Variants in VPS41 observed in about 807,000 individuals in gnomAD.
The protein encoded by VPS41 is VPS41 subunit of HOPS complex, also known as vacuolar protein sorting-associated protein 41 homolog.
A neutral mutation model predicts 130.9 loss-of-function variants in VPS41; 85 were observed. The observed-to-expected ratio is 0.65, with a 90% CI of 0.55 to 0.78. The LOEUF is 0.78. VPS41 is among the 30% of genes least tolerant of loss of function. VPS41 has a pLI of 0.00. For missense variants in VPS41, 874 were observed against 1,018.7 expected (o/e 0.86, Z 1.93); for synonymous variants, 335 against 332.9 (o/e 1.01, Z -0.07).
chr7:38,770,142 G>A (rs1784126231), intron 14 of VPS41, among the ~76,000 whole-genome samples: 1 of 152,082 alleles, frequency 6.6e-6, no homozygotes, highest in African/African-American at 2.4e-5. Flanking sequence ...GGTGGCGCAT[G>A]CCTGTAGTCC....
chr7:38,791,626 G>T (rs1425114222), intron 9 of VPS41, among the ~76,000 whole-genome samples: 1 of 152,110 alleles, frequency 6.6e-6, no homozygotes. Flanking sequence ...AGAACACGGT[G>T]ATATGACAGC....
intron 2 of VPS41, among the ~76,000 whole-genome samples, chr7:38,869,532 G>A (rs150784754): frequency 2.0e-5 from 3 of 152,164 alleles, no homozygotes; most frequent in South Asian, 2.1e-4. Flanking sequence ...TATTTGGTAC[G>A]GCTTCATAAA....
At chr7:38,739,641 T>A (rs1795844193) in intron 25 of VPS41, among the ~76,000 whole-genome samples, 1 of 152,180 alleles carries the variant, frequency 6.6e-6, no homozygotes, top group Non-Finnish European at 1.5e-5. Context: ...TCTGACTGCA[T>A]TCTCCAACAA....
chr7:38,816,703 T>C (rs916761591), intron 7 of VPS41, among the ~76,000 whole-genome samples: 11 of 152,252 alleles, frequency 7.2e-5, no homozygotes, highest in Non-Finnish European at 1.2e-4. Flanking sequence ...ACTACATCTA[T>C]AAACAGAAAA....
At chr7:38,734,733 T>C (rs1562565058) in intron 25 of VPS41, among the ~76,000 whole-genome samples, 1 of 152,234 alleles carries the variant, frequency 6.6e-6, no homozygotes, top group South Asian at 2.1e-4. Context: ...GAAATTTTTA[T>C]TTTAAAAGAT....
intron 1 of VPS41, among the ~76,000 whole-genome samples, chr7:38,905,099 C>T (rs1037799482): frequency 1.3e-5 from 2 of 152,084 alleles, no homozygotes; most frequent in Middle Eastern, 3.2e-3. Context: ...ATTTGAAATG[C>T]TATTTTCCCC....
At chr7:38,868,871 C>T (rs899711065) in intron 3 of VPS41, among the ~76,000 whole-genome samples, 1 of 152,184 alleles carries the variant, frequency 6.6e-6, no homozygotes, top group Non-Finnish European at 1.5e-5. Context: ...AAGTGAGCGA[C>T]AGAGTTGCCA....
chr7:38,903,298 C>T (rs1208581827), intron 1 of VPS41, among the ~76,000 whole-genome samples: 2 of 152,302 alleles, frequency 1.3e-5, no homozygotes, highest in East Asian at 3.9e-4. Flanking sequence ...GAAGGCTTGG[C>T]CCAGCTGGCC....
rs138085261 is a variant in VPS41, at chr7:38,828,532, T to C, written c.321+1722A>G. 5.9e-5 allele frequency among the ~76,000 whole-genome samples: 9 copies of C among 152,256 alleles called. No homozygotes were observed. In the East Asian group the frequency reaches 1.3e-3, roughly 23 times the overall value. ...TTAGATTTAGATATCTGGAATGTGT[T>C]TGTGTAATGTCTTTATATTTTTATC... On this transcript the variant is annotated intron_variant, in intron 5 of 28. Transcript: ENST00000310301.
In VPS41 at chr7:38,830,316, T is replaced by C. The variant is rs1259875851; in HGVS notation, c.259A>G (p.Ile87Val). Residue 87 changes from isoleucine to valine, a missense_variant, in exon 5 of 29, where the codon ATA becomes GTA. By Grantham distance (29) the Ile-to-Val change is conservative. Transcript: ENST00000310301. Reference protein sequence around the residue: ...TQKFDVSPVKINQISLDESGE... With the variant: ...TQKFDVSPVKVNQISLDESGE... Reference sequence around the variant, plus strand: ...CTTTCATCCAAGCTAATCTGATTTATCTTCACAGGACTCTAAAAAGAAAAA... The same window carrying C: ...CTTTCATCCAAGCTAATCTGATTTACCTTCACAGGACTCTAAAAAGAAAAA... 4 of 1,609,544 alleles carry C rather than the reference T, an allele frequency of 2.5e-6. No homozygotes were observed. The highest frequency in any genetic ancestry group is 1.1e-5 in the South Asian group (1 of 90,990).
intron 7 of VPS41, among the ~76,000 whole-genome samples, chr7:38,802,459 T>C (rs533743487): frequency 2.3e-4 from 35 of 152,342 alleles, no homozygotes; most frequent in Non-Finnish European, 4.6e-4. Flanking sequence ...TATGGAGTCA[T>C]TTCTATATCT....
Position 38,723,682 on chromosome 7 carries a change from TCACTG to T in VPS41, c.*2559_*2563del, listed in dbSNP as rs1795480400. The T allele has an allele frequency of 8.5e-6, 1 of 117,154 alleles. No individual in the cohort carries two copies. The highest frequency in any genetic ancestry group is 1.6e-5 in the Non-Finnish European group (1 of 62,152). 7.3% of individuals were successfully genotyped at this position (117,154 alleles called of 1,614,324 possible). ...GAGGTTGCAGTGAGCCAAGATCATG[TCACTG>T]CACTCCAGCCAAGGCAACAGAACGA... On this transcript the variant is annotated 3_prime_UTR_variant, in exon 29 of 29. Transcript: ENST00000310301.
intron 2 of VPS41, among the ~76,000 whole-genome samples, 158 bp from the exon 3 acceptor site, chr7:38,869,411 C>T (rs1379422542): frequency 6.6e-6 from 1 of 152,136 alleles, no homozygotes; most frequent in Non-Finnish European, 1.5e-5. Context: ...TTCATCTTGC[C>T]TAGGTATATC....
intron 4 of VPS41, among the ~76,000 whole-genome samples, chr7:38,862,040 T>C (rs964244207): frequency 6.6e-6 from 1 of 152,204 alleles, no homozygotes; most frequent in Non-Finnish European, 1.5e-5. Flanking sequence ...ACAGGGCATG[T>C]ACTTACAACT....
chr7:38,890,339 T>C (rs1786833598), intron 2 of VPS41, among the ~76,000 whole-genome samples: 1 of 152,134 alleles, frequency 6.6e-6, no homozygotes, highest in African/African-American at 2.4e-5. Context: ...GACAAAATTA[T>C]ACAGATGGAG....
Position 38,817,869 on chromosome 7 carries a change from T to G in VPS41, c.398A>C (p.His133Pro), listed in dbSNP as rs746561908. The G allele has an allele frequency of 3.1e-6, 5 of 1,614,074 alleles. No homozygotes were observed. The highest frequency in any genetic ancestry group is 3.4e-6 in the Non-Finnish European group (4 of 1,179,996). ...FDCPIKIIAV[H>P]PHFVRSSCKQ... Reference sequence around the variant, plus strand: ...GCAACTGGATCTCACGAAATGTGGGTGCACAGCAATAATCTACAAGAGAAA... The same window carrying G: ...GCAACTGGATCTCACGAAATGTGGGGGCACAGCAATAATCTACAAGAGAAA... The change falls in exon 7 of 29, where the codon CAC becomes CCC. Residue 133 changes from histidine to proline, a missense_variant. By Grantham distance (77) the His-to-Pro change is moderately conservative (BLOSUM62 -2). Transcript: ENST00000310301.
chr7:38,744,889 G>C (rs774669585), intron 23 of VPS41, among the ~76,000 whole-genome samples: 9 of 152,130 alleles, frequency 5.9e-5, no homozygotes, highest in Non-Finnish European at 8.8e-5. Context: ...GGCGTAAAGC[G>C]GAAAAACCCT....
intron 2 of VPS41, among the ~76,000 whole-genome samples, chr7:38,897,824 G>T (rs991614284): frequency 6.6e-6 from 1 of 152,154 alleles, no homozygotes; most frequent in African/African-American, 2.4e-5. Context: ...CTAAAACTTT[G>T]TATCAATTTT....
intron 2 of VPS41, among the ~76,000 whole-genome samples, chr7:38,891,921 A>G (rs955662907): frequency 6.6e-6 from 1 of 152,146 alleles, no homozygotes; most frequent in Non-Finnish European, 1.5e-5. Flanking sequence ...AGGAGGTCTC[A>G]CAGCTAACAT....
Sources: gnomAD v4.1 joint callset for allele counts (sites outside exome capture counted in the v4.1 genomes callset) on GRCh38, gnomAD v4.1.1 for gene constraint, MANE v1.5 for transcripts, NCBI Gene and HGNC (gene_info 2026-07-23, HGNC 2026-07-21) for gene names.